VPS54: variants seen among roughly 807,000 people sequenced by gnomAD.
The protein encoded by VPS54 is VPS54 subunit of GARP complex.
In VPS54, 45 loss-of-function variants were observed where a neutral mutation model predicts 121.5. That is an observed-to-expected ratio of 0.37 (90% CI 0.29 to 0.47). The LOEUF is 0.47. Ranked by LOEUF, VPS54 falls within the 20% of genes least tolerant of loss-of-function variation. The pLI is 0.99. For missense variants in VPS54, 1,090 were observed against 1,131.4 expected (o/e 0.96, Z 0.52); for synonymous variants, 371 against 385.8 (o/e 0.96, Z 0.45).
At chr2:64,004,951 G>C (rs554179277) in intron 1 of VPS54, among the ~76,000 whole-genome samples, 1 of 151,604 alleles carries the variant, frequency 6.6e-6, no homozygotes. Context: ...GCTAATTTTT[G>C]TATTTTTGTA....
intron 1 of VPS54, among the ~76,000 whole-genome samples, chr2:64,012,108 G>C (rs1207570646): frequency 2.0e-5 from 3 of 151,960 alleles, no homozygotes; most frequent in Non-Finnish European, 2.9e-5. Flanking sequence ...TCTCACCACT[G>C]GTTGGCTATC....
At chr2:63,923,641 A>G (rs1004212256) in intron 12 of VPS54, among the ~76,000 whole-genome samples, 4 of 152,218 alleles carry the variant, frequency 2.6e-5, no homozygotes, top group Admixed American at 6.5e-5. Flanking sequence ...AAATTTTGAT[A>G]TATGCTTCAA....
At chr2:64,003,069 T>C (rs1677959953) in intron 1 of VPS54, among the ~76,000 whole-genome samples, 1 of 152,040 alleles carries the variant, frequency 6.6e-6, no homozygotes, top group Non-Finnish European at 1.5e-5. Context: ...AGCAAAGAAA[T>C]AATCTTTCAT....
intron 4 of VPS54, 35 bp from the exon 5 acceptor site, chr2:63,969,026 A>G: frequency 1.3e-6 from 2 of 1,548,090 alleles, no homozygotes; most frequent in South Asian, 1.2e-5. Flanking sequence ...TATTTTTAAA[A>G]CTTGTTTTCA....
intron 8 of VPS54, among the ~76,000 whole-genome samples, chr2:63,947,770 T>C (rs1026208938): frequency 6.6e-6 from 1 of 152,128 alleles, no homozygotes. Context: ...TTTCAACAAG[T>C]AAAAAATATC....
At position 63,962,552 on chromosome 2, in the gene VPS54, T is replaced by C. The variant is rs962901030; in HGVS notation, c.625-109A>G. 21 of 1,309,110 alleles carry C rather than the reference T, an allele frequency of 1.6e-5. No homozygotes were observed. The East Asian group carries it at 1.8e-4, about 11-fold the overall frequency. The allele number at this position is 1,309,110 out of a possible 1,614,324, so 81.1% of individuals were successfully genotyped here. A position where few individuals can be genotyped will look rare whatever the true frequency, so the allele number is the denominator to read the frequency against. ...ATTTCTACATATACTTTAAATTCCA[T>C]TGTGTGAATTGTTTGATTGTGAGAT... On this transcript the variant is annotated intron_variant, in intron 6 of 22. Transcript: ENST00000272322.
At chr2:63,942,634 G>A (rs1283746206) in intron 10 of VPS54, 73 bp from the exon 11 acceptor site, 19 of 1,230,060 alleles carry the variant, frequency 1.5e-5, no homozygotes, top group Non-Finnish European at 2.1e-5. Context: ...CAAACTGGAA[G>A]AAATGAGACT....
rs181454070 is a variant in VPS54, at chr2:63,968,991, T to C, written c.458A>G (p.Asp153Gly). 1 of 1,599,762 alleles carries C rather than the reference T, an allele frequency of 6.3e-7. No homozygotes were observed. The highest frequency in any genetic ancestry group is 1.8e-5 in the Admixed American group (1 of 56,562). ...TTGCTCCAGATCTGTCCTGGATTTA[T>C]CTATTTAAAAAAGAAGGGAAATATT... Reference protein sequence around the residue: ...TFERTLLHTHDKSRTDLEQVP... With the variant: ...TFERTLLHTHGKSRTDLEQVP... The change falls in exon 5 of 23, where the codon GAT (aspartate) becomes GGT (glycine). Residue 153 changes from aspartate (D) to glycine (G), a missense_variant and splice_region_variant. Coordinates refer to ENST00000272322, the MANE Select transcript of VPS54 (RefSeq NM_016516.3).
rs71245641 is a variant in VPS54, at chr2:63,951,206, C to CTTTT, written c.1011-2047_1011-2044dup. On this transcript the variant is annotated intron_variant, in intron 7 of 22. Transcript: ENST00000272322. ...TGGAGTGAGGACTTCACAAATTTCC[C>CTTTT]TTTTTTTTTTTTTTTTTTTACAGTC... Among the ~76,000 whole-genome samples, 95 of 134,346 alleles carry CTTTT rather than the reference C, an allele frequency of 7.1e-4. 1 individual carries two copies. The highest frequency in any genetic ancestry group is 1.1e-3 in the Admixed American group (15 of 13,376). The allele number at this position is 134,346 out of a possible 152,430, so 88.1% of individuals were successfully genotyped here.
chr2:64,018,667 G>A (rs1172215209), intron 1 of VPS54, among the ~76,000 whole-genome samples: 1 of 151,766 alleles, frequency 6.6e-6, no homozygotes, highest in African/African-American at 2.4e-5. Context: ...ATAAGAGAGG[G>A]GCAAGAGCGG....
At chr2:63,914,313 T>C (rs1442815716) in intron 16 of VPS54, 26 bp from the exon 17 acceptor site, 48 of 1,481,260 alleles carry the variant, frequency 3.2e-5, no homozygotes, top group Non-Finnish European at 4.3e-5. Context: ...AATGGCCCAA[T>C]AGGAAATCAA....
intron 20 of VPS54, among the ~76,000 whole-genome samples, chr2:63,909,145 C>T (rs1039444149): frequency 2.0e-5 from 3 of 152,164 alleles, no homozygotes; most frequent in African/African-American, 7.2e-5. Flanking sequence ...ACTAAATTAG[C>T]TCCTTATTTG....
At chr2:64,005,933 A>T (rs981826980) in intron 1 of VPS54, among the ~76,000 whole-genome samples, 1 of 152,238 alleles carries the variant, frequency 6.6e-6, no homozygotes, top group Non-Finnish European at 1.5e-5. Context: ...GTAGGATAGT[A>T]AGGTTTAAAC....
rs1672272809 is a variant in VPS54, at chr2:63,892,726, G to GC, written c.*703_*704insG. 1.7e-5 allele frequency: 1 copy of GC among 58,748 alleles called. No homozygotes were observed. Among genetic ancestry groups the GC allele is most frequent in the Admixed American group, 1.3e-4 (1 of 7,422 alleles). 3.6% of individuals were successfully genotyped at this position (58,748 alleles called of 1,614,324 possible). On this transcript the variant is annotated 3_prime_UTR_variant, in exon 23 of 23. Coordinates refer to ENST00000272322, the MANE Select transcript of VPS54 (RefSeq NM_016516.3). Reference sequence around the variant, plus strand: ...ATTTAGTTGCATAAATAGATGCCAGGATCTTTTTTTTTAAGTATTAATTAC... The same window carrying GC: ...ATTTAGTTGCATAAATAGATGCCAGGCATCTTTTTTTTTAAGTATTAATTAC...
chr2:63,987,168 C>A (rs1256986365), intron 1 of VPS54, among the ~76,000 whole-genome samples: 1 of 152,126 alleles, frequency 6.6e-6, no homozygotes, highest in East Asian at 1.9e-4. Flanking sequence ...GACATTTTCC[C>A]CAAGGCTTTC....
chr2:63,921,995 T>C (rs1673668970), intron 12 of VPS54, among the ~76,000 whole-genome samples: 1 of 152,214 alleles, frequency 6.6e-6, no homozygotes, highest in South Asian at 2.1e-4. Flanking sequence ...AGGAATGTTA[T>C]TTCATGACAA....
At chr2:63,943,675 T>C (rs1674839158) in intron 10 of VPS54, among the ~76,000 whole-genome samples, 2 of 152,032 alleles carry the variant, frequency 1.3e-5, no homozygotes, top group Non-Finnish European at 2.9e-5. Context: ...ATTATCACTA[T>C]TCTTCTTAAA....
chr2:63,913,575 A>T (rs1673246921), intron 17 of VPS54, among the ~76,000 whole-genome samples: 2 of 152,220 alleles, frequency 1.3e-5, no homozygotes, highest in South Asian at 4.1e-4. Flanking sequence ...TGCATGTACA[A>T]AACAAATTCG....
At chr2:63,918,781 C>G (rs887788781) in intron 15 of VPS54, among the ~76,000 whole-genome samples, 17 of 151,968 alleles carry the variant, frequency 1.1e-4, no homozygotes, top group African/African-American at 4.1e-4. Context: ...ACTTCTTTAG[C>G]TACTATTTCA....
Sources: gnomAD v4.1 joint callset for allele counts (sites outside exome capture counted in the v4.1 genomes callset) on GRCh38, gnomAD v4.1.1 for gene constraint, MANE v1.5 for transcripts, NCBI Gene and HGNC (gene_info 2026-07-23, HGNC 2026-07-21) for gene names.